HIPK1: variants seen among roughly 807,000 people sequenced by gnomAD.
HIPK1 encodes homeodomain-interacting protein kinase 1.
In HIPK1, 28 loss-of-function variants were observed where a neutral mutation model predicts 117.1. The observed-to-expected ratio is 0.24, with a 90% confidence interval of 0.18 to 0.33. The LOEUF is 0.33. Among genes scored for constraint, HIPK1 ranks in the 10% least tolerant of loss-of-function variants. The probability of loss-of-function intolerance (pLI) is 1.00; values close to 1 mark genes in which losing one functional copy is unlikely to be tolerated. For synonymous variants in HIPK1, 605 were observed against 562.5 expected (o/e 1.08, Z -1.07); for missense variants, 1,122 against 1,475.1 (o/e 0.76, Z 3.92).
rs1276401672 is a variant in HIPK1 at position 113,941,601 on chromosome 1, T to C, written c.1076+142T>C. 1.5e-6 allele frequency: 1 copy of C among 653,536 alleles called. No homozygotes were observed. Among genetic ancestry groups the C allele is most frequent in the African/African-American group, 1.8e-5 (1 of 55,200 alleles). 40.5% of individuals were successfully genotyped at this position (653,536 alleles called of 1,614,324 possible). A position where few individuals can be genotyped will look rare whatever the true frequency, so the allele number is the denominator to read the frequency against. ...AGGATATGTTTTAGCTCATTCTATG[T>C]GTGTGGCATTCCTATATATGACATT... On this transcript the variant is annotated intron_variant, in intron 2 of 15. Transcript: ENST00000426820. The surrounding 1 kb of genome is among the most constrained non-coding windows in gnomAD (Gnocchi z 4.9).
rs1374629653 is a variant in HIPK1 at position 113,977,287 on chromosome 1, G to T, written c.*3775G>T. ...GTGCAGCATGTCTACATGGTTGTTT[G>T]TTGCTAAACTTTATATAATGTGTGG... On this transcript the variant is annotated 3_prime_UTR_variant, in exon 16 of 16. Coordinates refer to ENST00000426820, the MANE Select transcript of HIPK1 (RefSeq NM_198268.3). The T allele has an allele frequency of 2.0e-5, 3 of 150,952 alleles. No individual in the cohort carries two copies. Among genetic ancestry groups the T allele is most frequent in the Non-Finnish European group, 4.4e-5 (3 of 67,696 alleles). 9.4% of individuals were successfully genotyped at this position (150,952 alleles called of 1,614,324 possible). A position where few individuals can be genotyped will look rare whatever the true frequency, so the allele number is the denominator to read the frequency against.
At chr1:113,963,660 C>T (rs1054861405) in intron 10 of HIPK1, 139 bp downstream of exon 10, 1 of 846,332 alleles carries the variant, frequency 1.2e-6, no homozygotes. Flanking sequence ...TTGCAGAGGG[C>T]ATGGAAGCAT....
intron 10 of HIPK1, among the ~76,000 whole-genome samples, chr1:113,964,924 A>C (rs1488902753): frequency 6.6e-6 from 1 of 152,220 alleles, no homozygotes; most frequent in African/African-American, 2.4e-5. Flanking sequence ...TTTCTGCCTC[A>C]CATTGGAATG....
chr1:113,975,934 A>G lies in HIPK1; in HGVS notation c.*2422A>G, dbSNP rs1225727516. 1 of 152,744 alleles carries G rather than the reference A, an allele frequency of 6.5e-6. No homozygotes were observed. 9.5% of individuals were successfully genotyped at this position (152,744 alleles called of 1,614,324 possible). A position where few individuals can be genotyped will look rare whatever the true frequency, so the allele number is the denominator to read the frequency against. On this transcript the variant is annotated 3_prime_UTR_variant, in exon 16 of 16. Coordinates refer to ENST00000426820, the MANE Select transcript of HIPK1 (RefSeq NM_198268.3). ...GGGGAAAGAAGATTAATCCTAAAAT[A>G]CAGGTGTGTTCCATCTGAATTGAAA...
chr1:113,970,540 T>C (rs1672754568), intron 14 of HIPK1, among the ~76,000 whole-genome samples: 1 of 152,232 alleles, frequency 6.6e-6, no homozygotes, highest in Non-Finnish European at 1.5e-5. Flanking sequence ...AATTGAGATG[T>C]AGACAGGACT....
At chr1:113,971,730 A>T in intron 14 of HIPK1, 94 bp from the exon 15 acceptor site, 1 of 1,241,760 alleles carries the variant, frequency 8.1e-7, no homozygotes, top group African/African-American at 1.6e-5. Flanking sequence ...TAATGCTTGC[A>T]AACTACATAC....
At position 113,937,473 on chromosome 1, in the gene HIPK1, A is replaced by T. The variant is rs576063359; in HGVS notation, c.-2-2909A>T. On this transcript the variant is annotated intron_variant, in intron 1 of 15. Transcript: ENST00000426820. ...AAAGGAGGGAAGACATTAAAAAAAA[A>T]AAATCAAGGATCGAGCATTTGAAAA... Among the ~76,000 whole-genome samples, 100 of 152,322 alleles carry T rather than the reference A, an allele frequency of 6.6e-4. 1 individual carries two copies. Among genetic ancestry groups the T allele is most frequent in the African/African-American group, 2.4e-3 (98 of 41,554 alleles).
chr1:113,932,976 T>A (rs1469386017), intron 1 of HIPK1, among the ~76,000 whole-genome samples: 1 of 152,250 alleles, frequency 6.6e-6, no homozygotes, highest in Non-Finnish European at 1.5e-5. Context: ...TATTGATCTC[T>A]GCTTTGTTAA....
At chr1:113,956,539 C>T in intron 5 of HIPK1, 88 bp from the exon 6 acceptor site, 1 of 858,524 alleles carries the variant, frequency 1.2e-6, no homozygotes, top group Admixed American at 2.5e-5. Flanking sequence ...CATATATACA[C>T]ACACACATAG....
At chr1:113,959,272 G>A (rs1456772046) in intron 8 of HIPK1, among the ~76,000 whole-genome samples, 1 of 142,052 alleles carries the variant, frequency 7.0e-6, no homozygotes, top group African/African-American at 2.6e-5. Context: ...TAGAGTCGGA[G>A]CAAGCAGAAG....
chr1:113,967,997 T>G, intron 12 of HIPK1, 49 bp downstream of exon 12: 1 of 1,514,558 alleles, frequency 6.6e-7, no homozygotes, highest in Non-Finnish European at 9.0e-7. Context: ...GTTTGAGAGA[T>G]ATGTTGCCTT....
At position 113,967,830 on chromosome 1, in the gene HIPK1, C is replaced by G. The variant is rs1446279351; in HGVS notation, c.2446C>G (p.His816Asp). The G allele has an allele frequency of 6.2e-7, 1 of 1,612,136 alleles. No homozygotes were observed. Among genetic ancestry groups the G allele is most frequent in the African/African-American group, 1.3e-5 (1 of 74,826 alleles). The change falls in exon 12 of 16, where the codon CAT becomes GAT. Residue 816 changes from histidine (H) to aspartate (D), a missense_variant. His to Asp is a moderately conservative substitution (Grantham distance 81). Transcript: ENST00000426820. ...IMQQPSLLTN[H>D]VTLATAQPLN... Reference sequence around the variant, plus strand: ...GCAGCAGCCATCCTTGCTGACTAACCATGTGACATTGGCCACTGCTCAGCC... The same window carrying G: ...GCAGCAGCCATCCTTGCTGACTAACGATGTGACATTGGCCACTGCTCAGCC...
At chr1:113,965,354 T>G (rs1384857934) in intron 10 of HIPK1, among the ~76,000 whole-genome samples, 1 of 152,246 alleles carries the variant, frequency 6.6e-6, no homozygotes, top group Admixed American at 6.5e-5. Context: ...TTGCTCAGTT[T>G]ATTGCAAGTG....
chr1:113,933,001 T>A (rs910483594), intron 1 of HIPK1: 1 of 162,108 alleles, frequency 6.2e-6, no homozygotes, highest in South Asian at 2.0e-4. Context: ...AACTTTTTCT[T>A]ATCCTGGAAA....
chr1:113,959,868 G>T (rs558689796), intron 8 of HIPK1, among the ~76,000 whole-genome samples: 154 of 152,256 alleles, frequency 1.0e-3, no homozygotes, highest in African/African-American at 3.1e-3. Flanking sequence ...GCTTTTACAT[G>T]TATTAATTTA....
At chr1:113,969,919 G>T (rs771977832) in intron 13 of HIPK1, 37 bp from the exon 14 acceptor site, 3 of 1,611,220 alleles carry the variant, frequency 1.9e-6, no homozygotes, top group African/African-American at 1.3e-5. Context: ...ACACAAAAAA[G>T]AACAATTCAA....
Position 113,963,510 on chromosome 1 carries a change from G to C in HIPK1, c.2227G>C (p.Ala743Pro), listed in dbSNP as rs1412317131. The C allele has an allele frequency of 1.2e-6, 2 of 1,613,326 alleles. No individual in the cohort carries two copies. The highest frequency in any genetic ancestry group is 1.7e-6 in the Non-Finnish European group (2 of 1,179,766). The change falls in exon 10 of 16, where the codon GCC (alanine) becomes CCC (proline). Residue 743 changes from alanine (A) to proline (P), a missense_variant. This residue lies in a region of HIPK1 where 731 missense variants were observed against 860.4 expected (regional missense o/e 0.85). Coordinates refer to ENST00000426820, the MANE Select transcript of HIPK1 (RefSeq NM_198268.3). Reference protein sequence around the residue: ...AGRPALVEQTAAVLQAWPGGT... With the variant: ...AGRPALVEQTPAVLQAWPGGT... Reference sequence around the variant, plus strand: ...CCGGCCGGCGCTGGTTGAACAGACTGCCGCTGTACTGGTAATTCCCCTCAC... The same window carrying C: ...CCGGCCGGCGCTGGTTGAACAGACTCCCGCTGTACTGGTAATTCCCCTCAC...
chr1:113,956,533 T>A, intron 5 of HIPK1, 94 bp from the exon 6 acceptor site: 2 of 801,342 alleles, frequency 2.5e-6, no homozygotes, highest in Non-Finnish European at 4.0e-6. Context: ...TGATTACATA[T>A]ATACACACAC....
At chr1:113,931,619 A>C (rs1338247232) in intron 1 of HIPK1, among the ~76,000 whole-genome samples, 1 of 152,190 alleles carries the variant, frequency 6.6e-6, no homozygotes, top group Non-Finnish European at 1.5e-5. Flanking sequence ...TTCAAACCAA[A>C]CCAGAACTTC....
Sources: gnomAD v4.1 joint callset for allele counts (sites outside exome capture counted in the v4.1 genomes callset) on GRCh38, gnomAD v4.1.1 for gene constraint, gnomAD v4.1.1 regional missense constraint, Gnocchi (gnomAD v3.1) non-coding constraint, MANE v1.5 for transcripts, NCBI Gene and HGNC (gene_info 2026-07-23, HGNC 2026-07-21) for gene names.